Variants in LRP12 observed in about 807,000 individuals in gnomAD.
The protein encoded by LRP12 is low-density lipoprotein receptor-related protein 12.
Under a neutral mutation model 66.0 loss-of-function variants are expected in LRP12, and 14 were observed. The observed-to-expected ratio is 0.21, with a 90% CI of 0.14 to 0.33. The LOEUF is 0.33. Ranked by LOEUF, LRP12 falls within the 10% of genes least tolerant of loss-of-function variation. The pLI is 1.00. For synonymous variants in LRP12, 357 were observed against 359.1 expected (o/e 0.99, Z 0.07); for missense variants, 889 against 1,053.4 (o/e 0.84, Z 2.16).
chr8:104,495,047 A>C (rs745700327), intron 6 of LRP12, 30 bp downstream of exon 6: 3 of 1,593,716 alleles, frequency 1.9e-6, no homozygotes, highest in Admixed American at 3.4e-5. Flanking sequence ...TTAAGAGGAA[A>C]TGTAATAGAA....
At chr8:104,515,904 A>T (rs1340387521) in intron 2 of LRP12, among the ~76,000 whole-genome samples, 1 of 152,092 alleles carries the variant, frequency 6.6e-6, no homozygotes, top group African/African-American at 2.4e-5. Flanking sequence ...TACTTGCATC[A>T]ATGTTTTAAA....
chr8:104,576,865 A>G lies in LRP12; in HGVS notation c.79+11954T>C, dbSNP rs775646433. On this transcript the variant is annotated intron_variant, in intron 1 of 6. Coordinates refer to ENST00000276654, the MANE Select transcript of LRP12 (RefSeq NM_013437.5). Reference sequence around the variant, plus strand: ...TAGGTATGGTATCTTCAAGAGACTCATCTCACATCCAATGACACACATAGG... The same window carrying G: ...TAGGTATGGTATCTTCAAGAGACTCGTCTCACATCCAATGACACACATAGG... 3.0e-4 allele frequency among the ~76,000 whole-genome samples: 46 copies of G among 152,202 alleles called. 1 individual carries two copies. The highest frequency in any genetic ancestry group is 5.9e-5 in the Non-Finnish European group (4 of 68,046).
chr8:104,496,929 G>A, intron 5 of LRP12, 43 bp downstream of exon 5: 1 of 1,461,470 alleles, frequency 6.8e-7, no homozygotes, highest in Non-Finnish European at 9.0e-7. Flanking sequence ...AAACACTTGG[G>A]CCTGCTTTTA....
intron 2 of LRP12, among the ~76,000 whole-genome samples, chr8:104,516,344 T>A (rs1187525048): frequency 6.6e-6 from 1 of 151,684 alleles, no homozygotes; most frequent in Non-Finnish European, 1.5e-5. Flanking sequence ...GTATAGGACA[T>A]CTGAAATGAA....
At chr8:104,550,311 T>C (rs1052372050) in intron 1 of LRP12, among the ~76,000 whole-genome samples, 2 of 152,174 alleles carry the variant, frequency 1.3e-5, no homozygotes, top group African/African-American at 4.8e-5. Context: ...CTTGAAATAA[T>C]AATAGCAGCT....
chr8:104,517,493 C>A (rs1408583993), intron 2 of LRP12, among the ~76,000 whole-genome samples: 1 of 151,806 alleles, frequency 6.6e-6, no homozygotes, highest in Non-Finnish European at 1.5e-5. Flanking sequence ...GTGATGTGAT[C>A]CAAGTATTTT....
intron 1 of LRP12, among the ~76,000 whole-genome samples, chr8:104,544,162 C>T (rs999152570): frequency 1.3e-5 from 2 of 152,210 alleles, no homozygotes; most frequent in Admixed American, 6.5e-5. Flanking sequence ...CCAGCCACAA[C>T]ATCGCCTTAA....
At chr8:104,563,432 TATA>T (rs1014307598) in intron 1 of LRP12, among the ~76,000 whole-genome samples, 4 of 152,120 alleles carry the variant, frequency 2.6e-5, no homozygotes, top group Non-Finnish European at 5.9e-5. Context: ...TCTGTCTTAC[TATA>T]TTATATATTT....
At chr8:104,567,115 C>T (rs899820142) in intron 1 of LRP12, among the ~76,000 whole-genome samples, 5 of 152,016 alleles carry the variant, frequency 3.3e-5, no homozygotes, top group Non-Finnish European at 7.4e-5. Context: ...CCATTCAACA[C>T]CATACCAGAG....
At chr8:104,548,276 A>G (rs1588500995) in intron 1 of LRP12, among the ~76,000 whole-genome samples, 1 of 90,456 alleles carries the variant, frequency 1.1e-5, no homozygotes, top group Non-Finnish European at 1.8e-5. Flanking sequence ...GATATATATT[A>G]TATTAATATA....
intron 1 of LRP12, among the ~76,000 whole-genome samples, chr8:104,548,559 ATAGAAT>A (rs1410520603): frequency 9.4e-6 from 1 of 106,540 alleles, no homozygotes; most frequent in African/African-American, 4.0e-5. Context: ...TGTATATGAT[ATAGAAT>A]TATAATTCTA....
Position 104,491,243 on chromosome 8 carries a change from C to T in LRP12, c.2010G>A (p.Gly670=). The T allele has an allele frequency of 6.2e-7, 1 of 1,614,012 alleles. No individual in the cohort carries two copies. The highest frequency in any genetic ancestry group is 1.3e-5 in the African/African-American group (1 of 75,026). Residue 670 remains glycine (G), a synonymous_variant, in exon 7 of 7, where the codon GGG becomes GGA. Coordinates refer to ENST00000276654, the MANE Select transcript of LRP12 (RefSeq NM_013437.5). ...ERRDMAGASG[G]VAAPLPQKVP... ...CTTTTTGAGGCAAAGGAGCTGCAACCCCACCAGATGCTCCTGCCATATCTC... is the reference window on the plus strand; with the variant it reads ...CTTTTTGAGGCAAAGGAGCTGCAACTCCACCAGATGCTCCTGCCATATCTC...
intron 1 of LRP12, among the ~76,000 whole-genome samples, chr8:104,563,285 A>C (rs1276860507): frequency 6.6e-6 from 1 of 152,158 alleles, no homozygotes; most frequent in Non-Finnish European, 1.5e-5. Context: ...CCCAAATTTT[A>C]ATTTACTTAG....
intron 2 of LRP12, among the ~76,000 whole-genome samples, chr8:104,525,984 T>A (rs1811231605): frequency 6.6e-6 from 1 of 152,328 alleles, no homozygotes; most frequent in South Asian, 2.1e-4. Flanking sequence ...TTCAGCAGTC[T>A]CACGATACAA....
Position 104,497,846 on chromosome 8 carries a change from A to T in LRP12, c.706T>A (p.Ser236Thr), listed in dbSNP as rs2140833107. The T allele has an allele frequency of 1.2e-6, 2 of 1,614,206 alleles. No homozygotes were observed. The highest frequency in any genetic ancestry group is 1.7e-5 in the Admixed American group (1 of 60,026). ...TCAATGTTCCCATCACATTTTAAAG[A>T]TTCGGGGAGGCAAGTGTAAACTTTG... Reference protein sequence around the residue: ...FTKVYTCLPESLKCDGNIDCL... With the variant: ...FTKVYTCLPETLKCDGNIDCL... The change falls in exon 5 of 7, where the codon TCT becomes ACT. Residue 236 changes from serine (S) to threonine (T), a missense_variant. Ser to Thr is a moderately conservative substitution (Grantham distance 58, BLOSUM62 1). Coordinates refer to ENST00000276654, the MANE Select transcript of LRP12 (RefSeq NM_013437.5). This position sits in a 1 kb window ranked among gnomAD's most constrained non-coding sequence, Gnocchi z 4.3.
intron 1 of LRP12, among the ~76,000 whole-genome samples, chr8:104,573,439 T>A (rs147621167): frequency 6.6e-6 from 1 of 152,288 alleles, no homozygotes; most frequent in East Asian, 1.9e-4. Context: ...CTAATGGAAC[T>A]GATCTATCTC....
At chr8:104,572,780 T>TA (rs980832345) in intron 1 of LRP12, among the ~76,000 whole-genome samples, 9 of 152,144 alleles carry the variant, frequency 5.9e-5, no homozygotes, top group Non-Finnish European at 1.2e-4. Context: ...AATTGAAAAT[T>TA]AGAGTTATTT....
intron 1 of LRP12, among the ~76,000 whole-genome samples, chr8:104,565,593 C>T (rs962191717): frequency 2.0e-5 from 3 of 152,118 alleles, no homozygotes; most frequent in African/African-American, 7.2e-5. Context: ...GGCGCGGTGG[C>T]TCACGCCTGT....
At position 104,588,954 on chromosome 8, in the gene LRP12, G is replaced by C. The variant is rs1215803909; in HGVS notation, c.-57C>G. On this transcript the variant is annotated 5_prime_UTR_variant, in exon 1 of 7. Coordinates refer to ENST00000276654, the MANE Select transcript of LRP12 (RefSeq NM_013437.5). ...ACGGAGGAGGAGGGAGGAGAAGCTGGAGGTAGACGACGCCGACGCCGCCGC... is the reference window on the plus strand; with the variant it reads ...ACGGAGGAGGAGGGAGGAGAAGCTGCAGGTAGACGACGCCGACGCCGCCGC... The C allele has an allele frequency of 4.6e-6, 6 of 1,315,232 alleles. No individual in the cohort carries two copies. Among genetic ancestry groups the C allele is most frequent in the Non-Finnish European group, 6.2e-6 (6 of 965,040 alleles). 81.5% of individuals were successfully genotyped at this position (1,315,232 alleles called of 1,614,324 possible). A position where few individuals can be genotyped will look rare whatever the true frequency, so the allele number is the denominator to read the frequency against.
Sources: allele counts gnomAD v4.1 joint callset (sites outside exome capture counted in the v4.1 genomes callset), GRCh38; gene constraint gnomAD v4.1.1; non-coding constraint Gnocchi (gnomAD v3.1); transcripts MANE v1.5; gene names NCBI Gene and HGNC (gene_info 2026-07-23, HGNC 2026-07-21).